Variants in VWDE observed in about 807,000 individuals in gnomAD.
VWDE encodes von Willebrand factor D and EGF domain-containing protein.
In VWDE, 207 loss-of-function variants were observed where a neutral mutation model predicts 178.4. The observed-to-expected ratio is 1.16, with a 90% confidence interval of 1.04 to 1.30. VWDE has a LOEUF of 1.30. Among genes scored for constraint, VWDE ranks in the 50% most tolerant of loss-of-function variants. VWDE has a pLI of 0.00. For synonymous variants in VWDE, 738 were observed against 651.4 expected (o/e 1.13, Z -2.02); for missense variants, 2,287 against 1,901.3 (o/e 1.20, Z -3.77).
chr7:12,401,546 T>C (rs1784893116), intron 1 of VWDE, among the ~76,000 whole-genome samples: 1 of 152,184 alleles, frequency 6.6e-6, no homozygotes, highest in Non-Finnish European at 1.5e-5. Flanking sequence ...TTAAAATGCT[T>C]GACATCATTA....
In VWDE at chr7:12,375,364, C is replaced by T. The variant is rs1783468697; in HGVS notation, c.1025-137G>A. ...TTCTCTTTCTTAAAACATATGGTTG[C>T]AAATTTTGTCTAAATTAAGCCAAAG... On this transcript the variant is annotated intron_variant, in intron 7 of 28. Transcript: ENST00000275358. The T allele has an allele frequency of 3.5e-5, 28 of 796,824 alleles. No individual in the cohort carries two copies. In the South Asian group the frequency reaches 4.9e-4, roughly 14 times the overall value. The allele number at this position is 796,824 out of a possible 1,614,324, so 49.4% of individuals were successfully genotyped here. A position where few individuals can be genotyped will look rare whatever the true frequency, so the allele number is the denominator to read the frequency against.
rs561116370 is a variant in VWDE at position 12,365,638 on chromosome 7, G to A, written c.2898+1719C>T. ...GCAGGGCGAGCACATTCCACACAAA[G>A]TGAATGCAAGGCTTTGAGCAGGGCC... On this transcript the variant is annotated intron_variant, in intron 13 of 28. Coordinates refer to ENST00000275358, the MANE Select transcript of VWDE (RefSeq NM_001135924.3). 1.1e-4 allele frequency among the ~76,000 whole-genome samples: 17 copies of A among 152,100 alleles called. 1 individual carries two copies. In the South Asian group the frequency reaches 3.5e-3, roughly 32 times the overall value.
chr7:12,380,536 C>A lies in VWDE; in HGVS notation c.739G>T (p.Ala247Ser). The change falls in exon 5 of 29, where the codon GCA (alanine) becomes TCA (serine). Residue 247 changes from alanine (A) to serine (S), a missense_variant. Coordinates refer to ENST00000275358, the MANE Select transcript of VWDE (RefSeq NM_001135924.3). ...CCATCAAGTTCTAAAAGAGAGAATGCCTGAACTGTGGTCTCTTGTGTCAGC... is the reference window on the plus strand; with the variant it reads ...CCATCAAGTTCTAAAAGAGAGAATGACTGAACTGTGGTCTCTTGTGTCAGC... ...EELTQETTVQAFSLLELDGIN... is the reference protein window; with the variant it reads ...EELTQETTVQSFSLLELDGIN... 6.4e-7 allele frequency: 1 copy of A among 1,551,928 alleles called. No individual in the cohort carries two copies. The highest frequency in any genetic ancestry group is 8.7e-7 in the Non-Finnish European group (1 of 1,147,066).
At chr7:12,397,598 G>T (rs1784688987) in intron 1 of VWDE, among the ~76,000 whole-genome samples, 1 of 152,010 alleles carries the variant, frequency 6.6e-6, no homozygotes, top group African/African-American at 2.4e-5. Flanking sequence ...TTTCTCCACA[G>T]CAAAATAAAC....
At chr7:12,376,812 A>AGT (rs1783554083) in intron 7 of VWDE, among the ~76,000 whole-genome samples, 1 of 151,968 alleles carries the variant, frequency 6.6e-6, no homozygotes, top group Admixed American at 6.6e-5. Flanking sequence ...ACTGTTAACA[A>AGT]TCCTAAGATG....
rs973420400 is a variant in VWDE at position 12,374,734 on chromosome 7, T to C, written c.1271A>G (p.Tyr424Cys). 1 of 1,540,230 alleles carries C rather than the reference T, an allele frequency of 6.5e-7. No individual in the cohort carries two copies. Among genetic ancestry groups the C allele is most frequent in the African/African-American group, 1.4e-5 (1 of 72,570 alleles). Residue 424 changes from tyrosine (Y) to cysteine (C), a missense_variant, in exon 9 of 29, where the codon TAC (tyrosine) becomes TGC (cysteine). By Grantham distance (194) the Tyr-to-Cys change is radical (BLOSUM62 -2). Transcript: ENST00000275358. The part of the protein sequence containing the change: ...QIKVKDVPTA[Y>C]CYTFTDPHII... ...ATGTGGGTCAGTAAATGTATAGCAG[T>C]AAGCAGTTGGGACATCCTTTACTTT...
intron 5 of VWDE, 100 bp from the exon 6 acceptor site, chr7:12,379,666 GTATA>G (rs1783731969): frequency 2.4e-5 from 17 of 696,226 alleles, no homozygotes; most frequent in Non-Finnish European, 3.5e-5. Context: ...TTCATAGATA[GTATA>G]TAAAGATAAT....
chr7:12,340,129 T>G (rs1300141484), intron 24 of VWDE, among the ~76,000 whole-genome samples, 193 bp downstream of exon 24: 1 of 152,142 alleles, frequency 6.6e-6, no homozygotes, highest in Non-Finnish European at 1.5e-5. Flanking sequence ...ATCGAGTAAA[T>G]ATAACCGTTT....
intron 1 of VWDE, among the ~76,000 whole-genome samples, chr7:12,401,073 G>C (rs1238991099): frequency 6.6e-6 from 1 of 152,010 alleles, no homozygotes; most frequent in Non-Finnish European, 1.5e-5. Context: ...ACTTGATAAA[G>C]GATATATACG....
intron 23 of VWDE, 92 bp from the exon 24 acceptor site, chr7:12,340,509 T>C: frequency 3.4e-6 from 3 of 881,418 alleles, no homozygotes; most frequent in Non-Finnish European, 5.2e-6. Flanking sequence ...CATAATGAAA[T>C]ATTTTATTTT....
intron 5 of VWDE, 78 bp downstream of exon 5, chr7:12,380,408 T>C (rs1783779309): frequency 6.7e-7 from 1 of 1,486,232 alleles, no homozygotes; most frequent in Non-Finnish European, 8.9e-7. Flanking sequence ...AAATCTATTT[T>C]TTGGATATGA....
In VWDE at chr7:12,375,217, G is replaced by T; in HGVS notation, c.1035C>A (p.His345Gln). The T allele has an allele frequency of 6.4e-7, 1 of 1,550,568 alleles. No homozygotes were observed. Among genetic ancestry groups the T allele is most frequent in the Non-Finnish European group, 8.7e-7 (1 of 1,146,198 alleles). The change falls in exon 8 of 29, where the codon CAC becomes CAA. Residue 345 changes from histidine (H) to glutamine (Q), a missense_variant. By Grantham distance (24) the His-to-Gln change is conservative (BLOSUM62 0). Coordinates refer to ENST00000275358, the MANE Select transcript of VWDE (RefSeq NM_001135924.3). ...AAGACAGTGCCAAATTTAAGCCTAG[G>T]TGCTCTCTACCTATTTAATGAAAAA... is the stretch of plus-strand genomic sequence containing the variant. Reference protein sequence around the residue: ...KLKTIGQGREHLGLNLALSSC... With the variant: ...KLKTIGQGREQLGLNLALSSC...
intron 1 of VWDE, among the ~76,000 whole-genome samples, chr7:12,401,047 G>C (rs1277229410): frequency 6.6e-6 from 1 of 152,062 alleles, no homozygotes; most frequent in Non-Finnish European, 1.5e-5. Flanking sequence ...ACTAGGAATA[G>C]AAGGAAGTTT....
At chr7:12,375,915 A>G (rs937307665) in intron 7 of VWDE, among the ~76,000 whole-genome samples, 1 of 152,130 alleles carries the variant, frequency 6.6e-6, no homozygotes, top group Admixed American at 6.6e-5. Flanking sequence ...CTAAACAAAA[A>G]GAACAGATTT....
chr7:12,363,698 AG>A (rs1261731303), intron 13 of VWDE, among the ~76,000 whole-genome samples: 1 of 119,992 alleles, frequency 8.3e-6, no homozygotes, highest in African/African-American at 2.7e-5. Flanking sequence ...GATGGAAAGC[AG>A]ATGACAGGGA....
intron 27 of VWDE, among the ~76,000 whole-genome samples, 164 bp downstream of exon 27, chr7:12,335,977 T>A (rs1780998158): frequency 6.6e-6 from 1 of 152,166 alleles, no homozygotes; most frequent in African/African-American, 2.4e-5. Flanking sequence ...TAAATGGATA[T>A]AAAATTTAGG....
chr7:12,362,004 C>G (rs1219522504), intron 13 of VWDE, among the ~76,000 whole-genome samples: 1 of 151,938 alleles, frequency 6.6e-6, no homozygotes, highest in Non-Finnish European at 1.5e-5. Context: ...TTGACTGGTG[C>G]AGGGGCGGAC....
chr7:12,352,040 C>A (rs1330549137), intron 18 of VWDE, among the ~76,000 whole-genome samples: 1 of 152,056 alleles, frequency 6.6e-6, no homozygotes, highest in Non-Finnish European at 1.5e-5. Flanking sequence ...GAAGAGATAC[C>A]ACACATGCAG....
chr7:12,352,409 C>T (rs1290169691), intron 18 of VWDE, among the ~76,000 whole-genome samples: 1 of 152,180 alleles, frequency 6.6e-6, no homozygotes, highest in Non-Finnish European at 1.5e-5. Flanking sequence ...CCACCAACAA[C>T]CAAAAGTCCT....
Sources: allele counts gnomAD v4.1 joint callset (sites outside exome capture counted in the v4.1 genomes callset), GRCh38; gene constraint gnomAD v4.1.1; transcripts MANE v1.5; gene names NCBI Gene and HGNC (gene_info 2026-07-23, HGNC 2026-07-21).